IPO8: variants seen among roughly 807,000 people sequenced by gnomAD.
IPO8 encodes importin-8.
Under a neutral mutation model 141.2 loss-of-function variants are expected in IPO8, and 65 were observed. The ratio of observed to expected loss-of-function variants is 0.46; its 90% CI spans 0.38 to 0.57. IPO8 has a LOEUF of 0.57. Ranked by LOEUF, IPO8 falls within the 20% of genes least tolerant of loss-of-function variation. The pLI, the probability that IPO8 is intolerant of heterozygous loss-of-function variation, is 0.00. For missense variants in IPO8, 980 were observed against 1,246.8 expected (o/e 0.79, Z 3.22); for synonymous variants, 411 against 420.3 (o/e 0.98, Z 0.27).
chr12:30,635,303 C>A (rs2052486686), intron 22 of IPO8, among the ~76,000 whole-genome samples: 1 of 151,872 alleles, frequency 6.6e-6, no homozygotes, highest in African/African-American at 2.4e-5. Context: ...TCAAAATTGG[C>A]AAGATTGTAA....
rs1309731589 is a variant in IPO8 at position 30,695,761 on chromosome 12, A to G, written c.-114T>C. 2.5e-6 allele frequency: 2 copies of G among 803,778 alleles called. No homozygotes were observed. Among genetic ancestry groups the G allele is most frequent in the South Asian group, 2.1e-5 (1 of 48,154 alleles). 49.8% of individuals were successfully genotyped at this position (803,778 alleles called of 1,614,324 possible). ...CGACCCCTGGATTACCTCACACCCC[A>G]CCCCCCGCCACCGTCGCCACCTGCG... On this transcript the variant is annotated 5_prime_UTR_variant, in exon 1 of 25. Transcript: ENST00000256079. The surrounding 1 kb of genome is among the most constrained non-coding windows in gnomAD (Gnocchi z 4.2).
chr12:30,668,478 T>C (rs1044774410), intron 10 of IPO8, among the ~76,000 whole-genome samples: 3 of 152,148 alleles, frequency 2.0e-5, no homozygotes, highest in Non-Finnish European at 4.4e-5. Context: ...CAAGCACTAG[T>C]GGAGGAATGC....
At position 30,639,287 on chromosome 12, in the gene IPO8, A is replaced by T. The variant is rs1468688885; in HGVS notation, c.2489+228T>A. Among the ~76,000 whole-genome samples the T allele has an allele frequency of 4.6e-5, 7 of 152,298 alleles. No individual in the cohort carries two copies. In the East Asian group the frequency reaches 1.4e-3, roughly 29 times the overall value. ...TTGTGTTTAAAAAAAATAAATAAAAAAAATAAAAGCGGGAAAGGGCTACAT... is the reference window on the plus strand; with the variant it reads ...TTGTGTTTAAAAAAAATAAATAAAATAAATAAAAGCGGGAAAGGGCTACAT... On this transcript the variant is annotated intron_variant, in intron 21 of 24. Transcript: ENST00000256079.
chr12:30,674,025 A>T lies in IPO8; in HGVS notation c.874T>A (p.Phe292Ile). Residue 292 changes from phenylalanine (F) to isoleucine (I), a missense_variant, in exon 8 of 25, where the codon TTC becomes ATC. Physicochemically the swap from Phe to Ile is conservative, Grantham distance 21. This residue lies in a region of IPO8 where 924 missense variants were observed against 1,153.9 expected (regional missense o/e 0.80). Transcript: ENST00000256079. ...CCCACTGCATAGGTTTTCAAAAAGA[A>T]TTCAGAAAATTCAAAGTATTCTTTT... The part of the protein sequence containing the change: ...VTKEYFEFSE[F>I]FLKTYAVGIQ... 1 of 1,592,342 alleles carries T rather than the reference A, an allele frequency of 6.3e-7. No homozygotes were observed. Among genetic ancestry groups the T allele is most frequent in the Non-Finnish European group, 8.6e-7 (1 of 1,164,288 alleles).
At chr12:30,631,342 C>T (rs1319079420) in intron 24 of IPO8, among the ~76,000 whole-genome samples, 1 of 152,132 alleles carries the variant, frequency 6.6e-6, no homozygotes, top group East Asian at 1.9e-4. Flanking sequence ...GTCTAGTTTG[C>T]CATGTTTCCT....
At position 30,652,254 on chromosome 12, in the gene IPO8, C is replaced by G. The variant is rs761483102; in HGVS notation, c.2110G>C (p.Asp704His). ...GCATTTGATAGTAAGGTATCTGTAT[C>G]TATTGTCACATAATTATGCAGGAGA... ...MPLLHNYVTI[D>H]TDTLLSNAKH... is the part of the protein sequence containing the mutation. The change falls in exon 19 of 25, where the codon GAT (aspartate) becomes CAT (histidine). Residue 704 changes from aspartate to histidine, a missense_variant. This residue lies in a region of IPO8 where 924 missense variants were observed against 1,153.9 expected (regional missense o/e 0.80). Coordinates refer to ENST00000256079, the MANE Select transcript of IPO8 (RefSeq NM_006390.4). 6.2e-7 allele frequency: 1 copy of G among 1,604,890 alleles called. No homozygotes were observed. Among genetic ancestry groups the G allele is most frequent in the Non-Finnish European group, 8.5e-7 (1 of 1,173,082 alleles).
intron 23 of IPO8, among the ~76,000 whole-genome samples, chr12:30,633,173 G>C (rs551233851): frequency 6.6e-6 from 1 of 152,208 alleles, no homozygotes; most frequent in African/African-American, 2.4e-5. Flanking sequence ...CATCTAGGTA[G>C]TTTTTTCTTC....
At chr12:30,667,314 C>G (rs1274192039) in intron 10 of IPO8, among the ~76,000 whole-genome samples, 2 of 152,168 alleles carry the variant, frequency 1.3e-5, no homozygotes, top group African/African-American at 4.8e-5. Context: ...GTAACCTGTC[C>G]ACAGTCACAC....
chr12:30,661,978 G>A (rs2052893834), intron 15 of IPO8, among the ~76,000 whole-genome samples: 1 of 152,108 alleles, frequency 6.6e-6, no homozygotes, highest in Non-Finnish European at 1.5e-5. Flanking sequence ...TGAGAAATGT[G>A]TCGTTAGGCA....
intron 3 of IPO8, among the ~76,000 whole-genome samples, chr12:30,682,155 A>T (rs535673072): frequency 6.6e-6 from 1 of 152,174 alleles, no homozygotes; most frequent in Non-Finnish European, 1.5e-5. Context: ...ATTATATCTC[A>T]TATTTTGGTT....
intron 13 of IPO8, 32 bp downstream of exon 13, chr12:30,665,188 T>G (rs2052945005): frequency 1.7e-6 from 2 of 1,152,734 alleles, no homozygotes; most frequent in Non-Finnish European, 2.6e-6. Context: ...TATGAAGATT[T>G]AAGATACATA....
Position 30,680,497 on chromosome 12 carries a change from A to T in IPO8, c.624T>A (p.Phe208Leu). ...AGAAACCTACCTGAACAAGTGCATA[A>T]AAGATTTTCAGAATTTGTTTCTGCA... ...VLLQKQILKIFYALVQYALPL... is the reference protein window; with the variant it reads ...VLLQKQILKILYALVQYALPL... Residue 208 changes from phenylalanine (F) to leucine (L), a missense_variant, in exon 5 of 25, where the codon TTT becomes TTA. Phe to Leu is a conservative substitution (Grantham distance 22, BLOSUM62 0). Coordinates refer to ENST00000256079, the MANE Select transcript of IPO8 (RefSeq NM_006390.4). 6.2e-7 allele frequency: 1 copy of T among 1,610,902 alleles called. No homozygotes were observed. Among genetic ancestry groups the T allele is most frequent in the Non-Finnish European group, 8.5e-7 (1 of 1,178,496 alleles).
In IPO8 at chr12:30,637,176, C is replaced by T. The variant is rs1192665473; in HGVS notation, c.2501G>A (p.Arg834Gln). ...DTDCFLGHHD[R>Q]KMCIIGLSIL... ...ACTCAGTCCTATTATACACATCTTC[C>T]GGTCATGATGCCTGCAAATTTTGAA... Residue 834 changes from arginine to glutamine, a missense_variant, in exon 22 of 25, where the codon CGG becomes CAG. This residue lies in a region of IPO8 where 924 missense variants were observed against 1,153.9 expected (regional missense o/e 0.80). Coordinates refer to ENST00000256079, the MANE Select transcript of IPO8 (RefSeq NM_006390.4). 1.9e-6 allele frequency: 3 copies of T among 1,612,646 alleles called. No individual in the cohort carries two copies. Among genetic ancestry groups the T allele is most frequent in the East Asian group, 2.2e-5 (1 of 44,872 alleles).
intron 8 of IPO8, 102 bp downstream of exon 8, chr12:30,673,888 T>C (rs2053083895): frequency 6.3e-6 from 4 of 633,350 alleles, no homozygotes; most frequent in Non-Finnish European, 1.1e-5. Context: ...CCTCTATAAA[T>C]ATGTAATGAA....
At chr12:30,650,649 G>C (rs1206427337) in intron 19 of IPO8, among the ~76,000 whole-genome samples, 1 of 151,928 alleles carries the variant, frequency 6.6e-6, no homozygotes, top group Non-Finnish European at 1.5e-5. Context: ...CTACTTCATG[G>C]GGTCGTATGA....
At chr12:30,674,869 T>C in intron 6 of IPO8, 116 bp from the exon 7 acceptor site, 2 of 729,884 alleles carry the variant, frequency 2.7e-6, no homozygotes, top group Non-Finnish European at 4.9e-6. Context: ...GAAGTTAGAT[T>C]GCTATACAAA....
chr12:30,634,396 C>A, intron 22 of IPO8, 110 bp from the exon 23 acceptor site: 2 of 782,124 alleles, frequency 2.6e-6, no homozygotes, highest in South Asian at 3.9e-5. Context: ...AGGAAAAAAT[C>A]TTCCACAAAA....
chr12:30,665,074 T>C, intron 13 of IPO8, 146 bp downstream of exon 13: 2 of 588,610 alleles, frequency 3.4e-6, no homozygotes, highest in Non-Finnish European at 6.0e-6. Flanking sequence ...TGTCCTTTAT[T>C]CAGCTGATGT....
chr12:30,674,216 C>T (rs1158215032), intron 7 of IPO8, 142 bp from the exon 8 acceptor site: 6 of 570,094 alleles, frequency 1.1e-5, no homozygotes, highest in African/African-American at 3.7e-5. Flanking sequence ...CCACAAGCCA[C>T]AAAATGAAAT....
Sources: allele counts gnomAD v4.1 joint callset (sites outside exome capture counted in the v4.1 genomes callset), GRCh38; gene constraint gnomAD v4.1.1; regional missense constraint gnomAD v4.1.1; non-coding constraint Gnocchi (gnomAD v3.1); transcripts MANE v1.5; gene names NCBI Gene and HGNC (gene_info 2026-07-23, HGNC 2026-07-21).